ZFPM2: variants seen among roughly 807,000 people sequenced by gnomAD.
The protein encoded by ZFPM2 is zinc finger protein ZFPM2.
A neutral mutation model predicts 98.6 loss-of-function variants in ZFPM2; 20 were observed. The ratio of observed to expected loss-of-function variants is 0.20; its 90% CI spans 0.14 to 0.29. ZFPM2 has a LOEUF of 0.29. Among genes scored for constraint, ZFPM2 ranks in the 10% least tolerant of loss-of-function variants. The pLI, the probability that ZFPM2 is intolerant of heterozygous loss-of-function variation, is 1.00. For missense variants in ZFPM2, 1,310 were observed against 1,388.6 expected (o/e 0.94, Z 0.90); for synonymous variants, 518 against 502.7 (o/e 1.03, Z -0.41).
intron 5 of ZFPM2, among the ~76,000 whole-genome samples, chr8:105,679,962 C>T (rs1352440913): frequency 6.6e-6 from 1 of 152,068 alleles, no homozygotes; most frequent in Non-Finnish European, 1.5e-5. Context: ...ACCAACATTT[C>T]AAAACTTGAT....
At chr8:105,330,205 A>G (rs945689589) in intron 1 of ZFPM2, among the ~76,000 whole-genome samples, 3 of 151,408 alleles carry the variant, frequency 2.0e-5, no homozygotes, top group African/African-American at 7.3e-5. Context: ...ACAGTTTGAT[A>G]CTCTCTAGAA....
intron 3 of ZFPM2, among the ~76,000 whole-genome samples, chr8:105,456,874 G>A (rs1370239136): frequency 1.4e-4 from 22 of 151,970 alleles, no homozygotes; most frequent in African/African-American, 4.4e-4. Flanking sequence ...GGGTTTCACC[G>A]TGTTAGCCAG....
intron 1 of ZFPM2, among the ~76,000 whole-genome samples, chr8:105,406,190 G>A (rs111253308): frequency 0.34 from 51,197 of 151,828 alleles, 10,703 homozygotes; most frequent in African/African-American, 0.59. Flanking sequence ...TTTGTCAGAT[G>A]AGTAGGTTGC....
At chr8:105,415,869 G>T (rs1344989662) in intron 1 of ZFPM2, among the ~76,000 whole-genome samples, 2 of 152,100 alleles carry the variant, frequency 1.3e-5, no homozygotes, top group Non-Finnish European at 2.9e-5. Flanking sequence ...TGCTTTGGAA[G>T]AAATACAAGT....
intron 2 of ZFPM2, among the ~76,000 whole-genome samples, chr8:105,441,501 AT>A (rs1812249293): frequency 7.4e-6 from 1 of 135,686 alleles, no homozygotes; most frequent in Non-Finnish European, 1.5e-5. Context: ...AAAGAAAGAA[AT>A]CAAAGCCCAG....
At chr8:105,468,345 A>G (rs945837574) in intron 3 of ZFPM2, among the ~76,000 whole-genome samples, 11 of 152,010 alleles carry the variant, frequency 7.2e-5, no homozygotes, top group Admixed American at 7.2e-4. Flanking sequence ...ACTTCTGATC[A>G]GGGAACAATG....
At chr8:105,717,772 G>A (rs1811559488) in intron 5 of ZFPM2, among the ~76,000 whole-genome samples, 1 of 151,782 alleles carries the variant, frequency 6.6e-6, no homozygotes, top group African/African-American at 2.4e-5. Context: ...ATAGTATGCT[G>A]TAGCACACTA....
chr8:105,633,264 G>A (rs560457903), intron 4 of ZFPM2, among the ~76,000 whole-genome samples: 1 of 152,308 alleles, frequency 6.6e-6, no homozygotes, highest in South Asian at 2.1e-4. Flanking sequence ...TCATATCTAG[G>A]TGAAAATTCA....
At chr8:105,527,251 C>G (rs965359234) in intron 3 of ZFPM2, among the ~76,000 whole-genome samples, 8 of 152,126 alleles carry the variant, frequency 5.3e-5, no homozygotes, top group African/African-American at 1.7e-4. Flanking sequence ...AATCTGTGAA[C>G]TCTCAAGTGT....
chr8:105,600,625 T>G (rs62527246), intron 4 of ZFPM2, among the ~76,000 whole-genome samples: 10,013 of 152,162 alleles, frequency 0.066, 339 homozygotes, highest in Admixed American at 0.096. Context: ...TAAAAAGCAT[T>G]AGGGAATAGC....
intron 3 of ZFPM2, among the ~76,000 whole-genome samples, chr8:105,559,307 T>C (rs1421916987): frequency 6.6e-6 from 1 of 152,198 alleles, no homozygotes; most frequent in East Asian, 1.9e-4. Flanking sequence ...ACGTATTCTA[T>C]TTATATCTTT....
rs1375762831 is a variant in ZFPM2 at position 105,499,470 on chromosome 8, CAAAA to C, written c.301+55090_301+55093del. On this transcript the variant is annotated intron_variant, in intron 3 of 7. Transcript: ENST00000407775. Reference sequence around the variant, plus strand: ...TGTAATCTAAAACAAAACAAACAAACAAAAGAAACCTCATAGTCAGAGGAATTTC... The same window carrying C: ...TGTAATCTAAAACAAAACAAACAAACGAAACCTCATAGTCAGAGGAATTTC... Among the ~76,000 whole-genome samples the C allele has an allele frequency of 3.3e-5, 5 of 152,034 alleles. No individual in the cohort carries two copies. The South Asian group carries it at 8.3e-4, about 25-fold the overall frequency.
chr8:105,575,706 T>C (rs1815451871), intron 4 of ZFPM2, among the ~76,000 whole-genome samples: 1 of 152,156 alleles, frequency 6.6e-6, no homozygotes, highest in African/African-American at 2.4e-5. Flanking sequence ...TCAAGAAACC[T>C]GTCAGAGTAT....
chr8:105,355,429 G>C (rs1157448997), intron 1 of ZFPM2, among the ~76,000 whole-genome samples: 2 of 151,972 alleles, frequency 1.3e-5, no homozygotes, highest in Non-Finnish European at 2.9e-5. Flanking sequence ...TAATAGTTTT[G>C]TTCTTTTAAA....
At position 105,723,649 on chromosome 8, in the gene ZFPM2, C is replaced by G. The variant is rs549859352; in HGVS notation, c.533-65069C>G. ...TGTCGAGGCCTTCTTGTTGTACAGT[C>G]AAGAGACTGGCAGCTAATGTTTATA... On this transcript the variant is annotated intron_variant, in intron 5 of 7. Transcript: ENST00000407775. Among the ~76,000 whole-genome samples, 3 of 151,886 alleles carry G rather than the reference C, an allele frequency of 2.0e-5. No homozygotes were observed. In the East Asian group the frequency reaches 5.9e-4, roughly 30 times the overall value.
At chr8:105,330,619 T>TATATATATACAC (rs1812211576) in intron 1 of ZFPM2, among the ~76,000 whole-genome samples, 1 of 88,490 alleles carries the variant, frequency 1.1e-5, no homozygotes, top group Non-Finnish European at 2.3e-5. Context: ...TACACATATA[T>TATATATATACAC]ATATATATAT....
At chr8:105,762,191 A>C (rs899815744) in intron 5 of ZFPM2, among the ~76,000 whole-genome samples, 1 of 151,996 alleles carries the variant, frequency 6.6e-6, no homozygotes, top group Non-Finnish European at 1.5e-5. Context: ...ATCAATGATC[A>C]ATGCTTACGA....
At chr8:105,477,214 A>G (rs1813029306) in intron 3 of ZFPM2, among the ~76,000 whole-genome samples, 1 of 150,116 alleles carries the variant, frequency 6.7e-6, no homozygotes, top group Non-Finnish European at 1.5e-5. Flanking sequence ...ATTTCAGTTA[A>G]GTGATTTCTT....
At chr8:105,353,893 T>A (rs1240346689) in intron 1 of ZFPM2, among the ~76,000 whole-genome samples, 2 of 152,236 alleles carry the variant, frequency 1.3e-5, no homozygotes, top group Non-Finnish European at 2.9e-5. Flanking sequence ...TCACTTGAAC[T>A]TGTAGTATGT....
Sources: gnomAD v4.1 joint callset for allele counts (sites outside exome capture counted in the v4.1 genomes callset) on GRCh38, gnomAD v4.1.1 for gene constraint, MANE v1.5 for transcripts, NCBI Gene and HGNC (gene_info 2026-07-23, HGNC 2026-07-21) for gene names.